The following MARCHF11 variants were observed in gnomAD, a reference collection of about 807,000 sequenced individuals.
MARCHF11 encodes E3 ubiquitin-protein ligase MARCHF11.
A neutral mutation model predicts 37.3 loss-of-function variants in MARCHF11; 29 were observed. The ratio of observed to expected loss-of-function variants is 0.78; its 90% CI spans 0.58 to 1.06. MARCHF11 has a LOEUF of 1.06. MARCHF11 is among the 50% of genes least tolerant of loss of function. The probability of loss-of-function intolerance (pLI) is 0.00; values close to 1 mark genes in which losing one functional copy is unlikely to be tolerated. For synonymous variants in MARCHF11, 233 were observed against 228.0 expected, an observed-to-expected ratio of 1.02 and a Z score of -0.20; for missense variants, 482 against 533.4, an observed-to-expected ratio of 0.90 and a Z score of 0.95.
At chr5:16,154,883 T>G (rs566115170) in intron 2 of MARCHF11, among the ~76,000 whole-genome samples, 1 of 152,006 alleles carries the variant, frequency 6.6e-6, no homozygotes, top group Admixed American at 6.6e-5. Flanking sequence ...CCTGCAATGC[T>G]GATGGAGGCT....
At chr5:16,074,283 T>C (rs377235020) in intron 3 of MARCHF11, among the ~76,000 whole-genome samples, 1 of 152,132 alleles carries the variant, frequency 6.6e-6, no homozygotes, top group Non-Finnish European at 1.5e-5. Flanking sequence ...TAGCATTAAA[T>C]GCCTACATCA....
At chr5:16,128,879 C>A (rs1278209350) in intron 2 of MARCHF11, among the ~76,000 whole-genome samples, 1 of 152,156 alleles carries the variant, frequency 6.6e-6, no homozygotes, top group Non-Finnish European at 1.5e-5. Flanking sequence ...TCTGTTCATG[C>A]CAGTAATTCA....
At chr5:16,112,843 C>T (rs1247665611) in intron 2 of MARCHF11, among the ~76,000 whole-genome samples, 6 of 152,066 alleles carry the variant, frequency 3.9e-5, no homozygotes, top group African/African-American at 1.4e-4. Flanking sequence ...GAGGTGGTTT[C>T]CCCCATACTG....
intron 2 of MARCHF11, among the ~76,000 whole-genome samples, chr5:16,113,715 C>T (rs571707137): frequency 1.6e-4 from 24 of 152,208 alleles, no homozygotes; most frequent in Non-Finnish European, 2.6e-4. Context: ...CACATGCATA[C>T]AATGTGTAAT....
intron 3 of MARCHF11, among the ~76,000 whole-genome samples, chr5:16,084,180 A>G (rs1379024587): frequency 6.6e-6 from 1 of 152,190 alleles, no homozygotes; most frequent in Non-Finnish European, 1.5e-5. Context: ...TCCATCTAAA[A>G]CCATAATAAT....
At chr5:16,144,142 A>G (rs191460372) in intron 2 of MARCHF11, among the ~76,000 whole-genome samples, 7 of 152,342 alleles carry the variant, frequency 4.6e-5, no homozygotes, top group Admixed American at 4.6e-4. Flanking sequence ...TTTTGAAATA[A>G]GGAGTTATTG....
chr5:16,086,953 C>A (rs887125630), intron 3 of MARCHF11, among the ~76,000 whole-genome samples: 25 of 152,184 alleles, frequency 1.6e-4, no homozygotes, highest in Non-Finnish European at 2.4e-4. Flanking sequence ...TGAGTTTGCT[C>A]ATCTTCCTTT....
intron 2 of MARCHF11, among the ~76,000 whole-genome samples, chr5:16,099,624 TAA>T (rs933893192): frequency 6.6e-6 from 1 of 152,206 alleles, no homozygotes; most frequent in African/African-American, 2.4e-5. Flanking sequence ...AAAAGTTTTT[TAA>T]AAGAGACCAC....
At chr5:16,160,815 A>G (rs1236151692) in intron 2 of MARCHF11, among the ~76,000 whole-genome samples, 1 of 151,970 alleles carries the variant, frequency 6.6e-6, no homozygotes, top group Non-Finnish European at 1.5e-5. Context: ...TTATTTTCCA[A>G]AAAGGTGAAA....
intron 2 of MARCHF11, among the ~76,000 whole-genome samples, chr5:16,110,123 C>A (rs192317426): frequency 2.0e-5 from 3 of 152,228 alleles, no homozygotes; most frequent in African/African-American, 7.2e-5. Flanking sequence ...TTTGTCCAGG[C>A]CCATTAGTGT....
Position 16,114,950 on chromosome 5 carries a change from T to C in MARCHF11, c.694-23869A>G, listed in dbSNP as rs370404408. On this transcript the variant is annotated intron_variant, in intron 2 of 3. Transcript: ENST00000332432. ...ACTTGTGATGTGGAATCAAAAACCATTTACTTAAGTTCTTCTACTTGATGG... is the reference window on the plus strand; with the variant it reads ...ACTTGTGATGTGGAATCAAAAACCACTTACTTAAGTTCTTCTACTTGATGG... 3.9e-5 allele frequency among the ~76,000 whole-genome samples: 6 copies of C among 152,314 alleles called. 1 individual carries two copies. Among genetic ancestry groups the C allele is most frequent in the East Asian group, 1.9e-4 (1 of 5,180 alleles).
At chr5:16,170,061 C>T (rs1351423861) in intron 2 of MARCHF11, among the ~76,000 whole-genome samples, 2 of 152,090 alleles carry the variant, frequency 1.3e-5, no homozygotes, top group African/African-American at 4.8e-5. Flanking sequence ...GGTGGAAAAT[C>T]ATTTTTGAAG....
chr5:16,123,488 T>C (rs1318017093), intron 2 of MARCHF11, among the ~76,000 whole-genome samples: 1 of 152,190 alleles, frequency 6.6e-6, no homozygotes, highest in Non-Finnish European at 1.5e-5. Flanking sequence ...ATTTCTGTTG[T>C]CTAAGCTGCT....
At chr5:16,071,799 T>G (rs550347770) in intron 3 of MARCHF11, among the ~76,000 whole-genome samples, 19 of 152,310 alleles carry the variant, frequency 1.2e-4, no homozygotes, top group Non-Finnish European at 2.2e-4. Context: ...TCTCAGCTTT[T>G]TTTTGGATAA....
chr5:16,150,482 C>T (rs1447767928), intron 2 of MARCHF11, among the ~76,000 whole-genome samples: 2 of 149,602 alleles, frequency 1.3e-5, no homozygotes, highest in African/African-American at 5.1e-5. Flanking sequence ...TGCATTGTCT[C>T]TGTGAGTGGG....
At chr5:16,151,667 G>A (rs1306599428) in intron 2 of MARCHF11, among the ~76,000 whole-genome samples, 2 of 149,122 alleles carry the variant, frequency 1.3e-5, no homozygotes, top group Non-Finnish European at 1.5e-5. Flanking sequence ...GTGTGTGTGT[G>A]TGTGTGTGTG....
rs531971685 is a variant in MARCHF11 at position 16,178,888 on chromosome 5, G to T, written c.537+151C>A. 5 of 896,138 alleles carry T rather than the reference G, an allele frequency of 5.6e-6. No individual in the cohort carries two copies. The African/African-American group carries it at 7.0e-5, about 13-fold the overall frequency. 55.5% of individuals were successfully genotyped at this position (896,138 alleles called of 1,614,324 possible). On this transcript the variant is annotated intron_variant, in intron 1 of 3. Coordinates refer to ENST00000332432, the MANE Select transcript of MARCHF11 (RefSeq NM_001102562.3). ...CCTTCACAGGAAGGGAAAGGGGAAGGCATATTGGAGCCAGCGCTCACAGGG... is the reference window on the plus strand; with the variant it reads ...CCTTCACAGGAAGGGAAAGGGGAAGTCATATTGGAGCCAGCGCTCACAGGG...
At chr5:16,125,617 C>CTGTG (rs1341847972) in intron 2 of MARCHF11, among the ~76,000 whole-genome samples, 23 of 117,024 alleles carry the variant, frequency 2.0e-4, no homozygotes, top group African/African-American at 6.4e-4. Context: ...CTGGCACACT[C>CTGTG]TCTGTGTGTG....
At chr5:16,117,601 C>A (rs952537940) in intron 2 of MARCHF11, among the ~76,000 whole-genome samples, 1 of 152,176 alleles carries the variant, frequency 6.6e-6, no homozygotes, top group Non-Finnish European at 1.5e-5. Flanking sequence ...TTTAAACTCA[C>A]CTGTCAGCTG....
Sources: gnomAD v4.1 joint callset for allele counts (sites outside exome capture counted in the v4.1 genomes callset) on GRCh38, gnomAD v4.1.1 for gene constraint, MANE v1.5 for transcripts, NCBI Gene and HGNC (gene_info 2026-07-23, HGNC 2026-07-21) for gene names.